VGLL4: variants seen among roughly 807,000 people sequenced by gnomAD.
VGLL4 encodes vestigial like family member 4, also known as transcription cofactor vestigial-like protein 4.
A neutral mutation model predicts 21.0 loss-of-function variants in VGLL4; 7 were observed. That is an observed-to-expected ratio of 0.33 (90% CI 0.19 to 0.63). VGLL4 has a LOEUF of 0.63. VGLL4 is among the 20% of genes least tolerant of loss of function. The pLI is 0.78. For synonymous variants in VGLL4, 222 were observed against 173.2 expected (o/e 1.28, Z -2.21); for missense variants, 394 against 425.7 (o/e 0.93, Z 0.66).
intron 1 of VGLL4, among the ~76,000 whole-genome samples, chr3:11,609,212 T>A (rs2075008805): frequency 6.6e-6 from 1 of 152,156 alleles, no homozygotes; most frequent in African/African-American, 2.4e-5. Context: ...TTTGATTAGA[T>A]CATCTTGACA....
chr3:11,665,101 CTTTTTTTTTTTTTTTT>C (rs59999510), intron 2 of VGLL4, among the ~76,000 whole-genome samples: 8 of 96,972 alleles, frequency 8.2e-5, no homozygotes, highest in African/African-American at 3.9e-4. Flanking sequence ...GAATATTTTT[CTTTTTTTTTTTTTTTT>C]TTTTTTTTTT....
chr3:11,671,126 A>G (rs2076209026), intron 2 of VGLL4: 2 of 1,022,986 alleles, frequency 2.0e-6, no homozygotes. Flanking sequence ...CTCAAGCACA[A>G]AAAGTGTTTT....
chr3:11,643,802 C>G lies in VGLL4; in HGVS notation c.-284G>C, dbSNP rs2075742467. 8.9e-7 allele frequency: 1 copy of G among 1,129,052 alleles called. No individual in the cohort carries two copies. The highest frequency in any genetic ancestry group is 3.1e-5 in the South Asian group (1 of 32,642). The allele number at this position is 1,129,052 out of a possible 1,614,324, so 69.9% of individuals were successfully genotyped here. On this transcript the variant is annotated 5_prime_UTR_variant, in exon 1 of 5. Transcript: ENST00000430365. The stretch of plus-strand genomic sequence containing the variant: ...GTTTCAGAAGTCCTTACAAGTCCTT[C>G]CTGGAAATGGAAAAGAGTGAAAAAG...
chr3:11,660,632 C>T (rs2076024192), intron 2 of VGLL4, among the ~76,000 whole-genome samples: 1 of 152,148 alleles, frequency 6.6e-6, no homozygotes, highest in African/African-American at 2.4e-5. Flanking sequence ...TAAGTTTCAG[C>T]ATATCTCTAT....
chr3:11,692,887 G>A (rs1190126243), intron 2 of VGLL4, among the ~76,000 whole-genome samples: 1 of 152,168 alleles, frequency 6.6e-6, no homozygotes, highest in Non-Finnish European at 1.5e-5. Flanking sequence ...AATGAAAATA[G>A]GCCAGGCGCA....
chr3:11,665,131 T>A (rs2076100134), intron 2 of VGLL4, among the ~76,000 whole-genome samples: 8 of 95,350 alleles, frequency 8.4e-5, no homozygotes, highest in East Asian at 3.1e-4. Context: ...TTTTTTTTTT[T>A]GAGACGGAGT....
At chr3:11,570,366 TGCCG>T (rs2073726746) in intron 2 of VGLL4, among the ~76,000 whole-genome samples, 1 of 152,140 alleles carries the variant, frequency 6.6e-6, no homozygotes, top group Non-Finnish European at 1.5e-5. Context: ...AGTGCGGAGA[TGCCG>T]GCCACCAAGG....
At chr3:11,584,107 T>C (rs1034642848) in intron 2 of VGLL4, among the ~76,000 whole-genome samples, 1 of 152,252 alleles carries the variant, frequency 6.6e-6, no homozygotes, top group Non-Finnish European at 1.5e-5. Context: ...TAAAAATCTA[T>C]ATTTCAAAAA....
chr3:11,626,422 CT>C (rs1256394953), intron 1 of VGLL4: 4 of 456,716 alleles, frequency 8.8e-6, no homozygotes, highest in African/African-American at 8.0e-5. Flanking sequence ...CCTCTTATTA[CT>C]TCAAAGATAA....
intron 1 of VGLL4, among the ~76,000 whole-genome samples, chr3:11,704,917 A>T (rs1161335007): frequency 1.3e-5 from 2 of 152,228 alleles, no homozygotes; most frequent in Non-Finnish European, 1.5e-5. Context: ...TTGTGAAGAA[A>T]ACAGAACTTG....
chr3:11,614,603 A>C (rs983985346), intron 1 of VGLL4, among the ~76,000 whole-genome samples: 1 of 152,258 alleles, frequency 6.6e-6, no homozygotes, highest in Non-Finnish European at 1.5e-5. Flanking sequence ...TATCTCAGCC[A>C]GCCATCCAGG....
intron 2 of VGLL4, among the ~76,000 whole-genome samples, chr3:11,690,119 T>C (rs2076506307): frequency 8.7e-6 from 1 of 114,442 alleles, no homozygotes; most frequent in Non-Finnish European, 2.4e-5. Flanking sequence ...CCCCTTCCTG[T>C]TGGTGGTTGT....
Position 11,564,849 on chromosome 3 carries a change from G to A in VGLL4, c.443C>T (p.Ala148Val). 3 of 1,604,794 alleles carry A rather than the reference G, an allele frequency of 1.9e-6. No homozygotes were observed. The highest frequency in any genetic ancestry group is 2.5e-6 in the Non-Finnish European group (3 of 1,176,800). Residue 148 changes from alanine to valine, a missense_variant, in exon 3 of 5, where the codon GCC (alanine) becomes GTC (valine). Transcript: ENST00000430365. The part of the protein sequence containing the change: ...PLALTKNSLD[A>V]SRPAGLSPTL... Reference sequence around the variant, plus strand: ...GGGCGAGAGGCCGGCTGGCCTGCTGGCGTCCAGGCTGTTCTTGGTCAGTGC... The same window carrying A: ...GGGCGAGAGGCCGGCTGGCCTGCTGACGTCCAGGCTGTTCTTGGTCAGTGC...
upstream of VGLL4, among the ~76,000 whole-genome samples, chr3:11,721,646 G>C (rs549146015): frequency 6.6e-6 from 1 of 152,338 alleles, no homozygotes; most frequent in African/African-American, 2.4e-5. Flanking sequence ...GATTCATCCT[G>C]CCAAACTCAG....
At chr3:11,592,337 G>A (rs887739243) in intron 2 of VGLL4, among the ~76,000 whole-genome samples, 1 of 152,176 alleles carries the variant, frequency 6.6e-6, no homozygotes, top group Admixed American at 6.5e-5. Flanking sequence ...GAAAACCCTT[G>A]TTTGTTCCTG....
intron 2 of VGLL4, among the ~76,000 whole-genome samples, chr3:11,596,461 T>C (rs1030767165): frequency 1.3e-5 from 2 of 152,084 alleles, no homozygotes; most frequent in Admixed American, 6.5e-5. Flanking sequence ...ACTGCAGGAG[T>C]GGACCATGAG....
rs111464032 is a variant in VGLL4 at position 11,574,093 on chromosome 3, C to T, written c.273-9074G>A. ...CCTCAGAAGCAGCCAGCCCTGCTGA[C>T]ACCTTGATCTCAGGCACCAGGAACG... On this transcript the variant is annotated intron_variant, in intron 2 of 4. Coordinates refer to ENST00000430365, the MANE Select transcript of VGLL4 (RefSeq NM_001128219.3). Among the ~76,000 whole-genome samples, 1,043 of 152,340 alleles carry T rather than the reference C, an allele frequency of 6.8e-3. 7 individuals are homozygous for T. Among genetic ancestry groups the T allele is most frequent in the Non-Finnish European group, 0.01 (713 of 68,026 alleles).
At chr3:11,583,844 T>C (rs1441148401) in intron 2 of VGLL4, among the ~76,000 whole-genome samples, 2 of 152,204 alleles carry the variant, frequency 1.3e-5, no homozygotes, top group African/African-American at 4.8e-5. Flanking sequence ...AGCATACTCA[T>C]ATCTCCCCAA....
In VGLL4 at chr3:11,604,442, T is replaced by A. The variant is rs2074885593; in HGVS notation, c.83-2420A>T. On this transcript the variant is annotated intron_variant, in intron 1 of 4. Transcript: ENST00000430365. ...CAAGGCTTACAGCAAAGGAAAAGAA[T>A]CCGCACATAAGGTCAGGGACAGGTC... 31 of 957,264 alleles carry A rather than the reference T, an allele frequency of 3.2e-5. 9 individuals are homozygous for A. The South Asian group carries it at 1.5e-3, about 48-fold the overall frequency. The allele number at this position is 957,264 out of a possible 1,614,324, so 59.3% of individuals were successfully genotyped here. A position where few individuals can be genotyped will look rare whatever the true frequency, so the allele number is the denominator to read the frequency against.
Sources: gnomAD v4.1 joint callset for allele counts (sites outside exome capture counted in the v4.1 genomes callset) on GRCh38, gnomAD v4.1.1 for gene constraint, MANE v1.5 for transcripts, NCBI Gene and HGNC (gene_info 2026-07-23, HGNC 2026-07-21) for gene names.